Variants in GUF1 observed in about 807,000 individuals in gnomAD.
The protein encoded by GUF1 is translation factor GUF1, mitochondrial.
In GUF1, 78 loss-of-function variants were observed where a neutral mutation model predicts 82.4. The ratio of observed to expected loss-of-function variants is 0.95; its 90% CI spans 0.79 to 1.14. The LOEUF is 1.14. Ranked by LOEUF, GUF1 falls within the 50% of genes most tolerant of loss-of-function variation. The pLI is 0.00. For synonymous variants in GUF1, 279 were observed against 282.3 expected (o/e 0.99, Z 0.12); for missense variants, 814 against 798.2 (o/e 1.02, Z -0.24).
At position 44,680,719 on chromosome 4, in the gene GUF1, T is replaced by A. The variant is rs1484112535; in HGVS notation, c.303T>A (p.Asn101Lys). 6.2e-7 allele frequency: 1 copy of A among 1,606,298 alleles called. No individual in the cohort carries two copies. Among genetic ancestry groups the A allele is most frequent in the Non-Finnish European group, 8.5e-7 (1 of 1,174,856 alleles). ...LTGTIDKTKNNKQVLDKLQVE... is the reference protein window; with the variant it reads ...LTGTIDKTKNKKQVLDKLQVE... ...GGACAATTGATAAAACAAAGAATAA[T>A]AAGCAGGTTCTTGATAAATTGCAAG... is the stretch of plus-strand genomic sequence containing the variant. Residue 101 changes from asparagine (N) to lysine (K), a missense_variant, in exon 3 of 17, where the codon AAT becomes AAA. Coordinates refer to ENST00000281543, the MANE Select transcript of GUF1 (RefSeq NM_021927.3).
chr4:44,690,991 GTCTATA>G (rs1462013258), intron 12 of GUF1, 131 bp downstream of exon 12: 6 of 510,352 alleles, frequency 1.2e-5, no homozygotes, highest in African/African-American at 6.0e-5. Flanking sequence ...ATATATATCT[GTCTATA>G]TCTATACACA....
At chr4:44,692,479 G>A (rs1715511786) in intron 13 of GUF1, among the ~76,000 whole-genome samples, 1 of 151,740 alleles carries the variant, frequency 6.6e-6, no homozygotes, top group Non-Finnish European at 1.5e-5. Context: ...TTATGTTACG[G>A]GATAGTATAT....
At position 44,686,508 on chromosome 4, in the gene GUF1, A is replaced by T; in HGVS notation, c.735-2A>T. 6.3e-7 allele frequency: 1 copy of T among 1,582,524 alleles called. No individual in the cohort carries two copies. Among genetic ancestry groups the T allele is most frequent in the Non-Finnish European group, 8.6e-7 (1 of 1,156,180 alleles). The stretch of plus-strand genomic sequence containing the variant: ...TATTTACTTTTTACTTATATTTACT[A>T]GTCCTAAAGTGCATCGCAAAAATCC... On this transcript the variant is annotated splice_acceptor_variant, in intron 7 of 16. Coordinates refer to ENST00000281543, the MANE Select transcript of GUF1 (RefSeq NM_021927.3). LOFTEE classifies it high-confidence loss of function.
chr4:44,690,772 C>A lies in GUF1; in HGVS notation c.1391C>A (p.Ser464Ter). ...AATCCTGCACAATTCCCCGATAAAT[C>A]AAAAGTAACAGAATATTTGGAGCCA... ...IINPAQFPDK[S>*]KVTEYLEPVV... The change falls in exon 12 of 17, where the codon TCA (serine) becomes TAA (stop). Residue 464 changes from serine to a stop codon, truncating the protein, a stop_gained. Coordinates refer to ENST00000281543, the MANE Select transcript of GUF1 (RefSeq NM_021927.3). LOFTEE classifies it high-confidence loss of function. 6.3e-7 allele frequency: 1 copy of A among 1,597,160 alleles called. No individual in the cohort carries two copies. Among genetic ancestry groups the A allele is most frequent in the Non-Finnish European group, 8.6e-7 (1 of 1,166,598 alleles).
At chr4:44,692,425 G>T (rs1041537283) in intron 13 of GUF1, among the ~76,000 whole-genome samples, 4 of 151,840 alleles carry the variant, frequency 2.6e-5, no homozygotes, top group Non-Finnish European at 5.9e-5. Context: ...TGTTGTTGTT[G>T]TTGGGGCATA....
rs1485440834 is a variant in GUF1 at position 44,695,606 on chromosome 4, C to T, written c.1716-9C>T. Reference sequence around the variant, plus strand: ...AGGATATATAAACAGTTGTATTTTTCTGTCTCAGAGACAAAGCTCATTCAA... The same window carrying T: ...AGGATATATAAACAGTTGTATTTTTTTGTCTCAGAGACAAAGCTCATTCAA... On this transcript the variant is annotated splice_polypyrimidine_tract_variant and intron_variant, in intron 14 of 16. Coordinates refer to ENST00000281543, the MANE Select transcript of GUF1 (RefSeq NM_021927.3). 8 of 1,598,832 alleles carry T rather than the reference C, an allele frequency of 5.0e-6. No individual in the cohort carries two copies. Among genetic ancestry groups the T allele is most frequent in the Admixed American group, 1.8e-5 (1 of 56,378 alleles).
At chr4:44,683,208 T>TGAA (rs11411836) in intron 5 of GUF1, 27 bp from the exon 6 acceptor site, 1 of 1,384,370 alleles carries the variant, frequency 7.2e-7, no homozygotes, top group Admixed American at 2.1e-5. Context: ...TTATTATACT[T>TGAA]CACATAATGG....
chr4:44,692,654 A>C (rs567350229), intron 13 of GUF1, among the ~76,000 whole-genome samples: 1 of 151,924 alleles, frequency 6.6e-6, no homozygotes, highest in Non-Finnish European at 1.5e-5. Context: ...TTATTTAATC[A>C]TCTTGTCAGT....
At position 44,691,823 on chromosome 4, in the gene GUF1, G is replaced by A. The variant is rs773846713; in HGVS notation, c.1613+24G>A. The A allele has an allele frequency of 6.5e-6, 10 of 1,543,190 alleles. No individual in the cohort carries two copies. In the Admixed American group the frequency reaches 2.0e-4, roughly 31 times the overall value. On this transcript the variant is annotated intron_variant, in intron 13 of 16. Transcript: ENST00000281543. The stretch of plus-strand genomic sequence containing the variant: ...AGGTAAAAAAATAATGAGAACCTAA[G>A]ATGCCTGACCAACTTTTTTGAAATA...
At chr4:44,696,144 C>T (rs1382078302) in intron 15 of GUF1, among the ~76,000 whole-genome samples, 1 of 152,032 alleles carries the variant, frequency 6.6e-6, no homozygotes, top group East Asian at 1.9e-4. Flanking sequence ...TTTAATATTG[C>T]TTCCCCACTT....
chr4:44,693,758 C>G (rs1715598987), intron 13 of GUF1, among the ~76,000 whole-genome samples: 1 of 152,082 alleles, frequency 6.6e-6, no homozygotes, highest in Non-Finnish European at 1.5e-5. Context: ...TCTGTTTTGA[C>G]TAACATTACA....
At chr4:44,685,866 T>G in intron 6 of GUF1, 93 bp from the exon 7 acceptor site, 2 of 770,592 alleles carry the variant, frequency 2.6e-6, no homozygotes, top group Admixed American at 2.4e-5. Context: ...ATTGGAATTT[T>G]TTTTTCCTTC....
intron 11 of GUF1, among the ~76,000 whole-genome samples, 171 bp downstream of exon 11, chr4:44,690,146 CTAA>C (rs1367543917): frequency 9.5e-6 from 1 of 105,192 alleles, no homozygotes; most frequent in Non-Finnish European, 2.5e-5. Context: ...TACCCTATGG[CTAA>C]TGATGAAGAA....
chr4:44,687,276 C>T (rs1231815020), intron 8 of GUF1, among the ~76,000 whole-genome samples: 4 of 151,848 alleles, frequency 2.6e-5, no homozygotes, highest in African/African-American at 9.7e-5. Context: ...TTTGTAAGGT[C>T]CTGTTCCTTG....
Position 44,681,004 on chromosome 4 carries a change from C to T in GUF1, c.427-119C>T. On this transcript the variant is annotated intron_variant, in intron 3 of 16. Coordinates refer to ENST00000281543, the MANE Select transcript of GUF1 (RefSeq NM_021927.3). ...GTGTCAGTTGTTTCAAAAGTGCAGGCTACAAAAAAGAAACGAATATTTAAC... is the reference window on the plus strand; with the variant it reads ...GTGTCAGTTGTTTCAAAAGTGCAGGTTACAAAAAAGAAACGAATATTTAAC... The T allele has an allele frequency of 6.2e-6, 7 of 1,136,248 alleles. No homozygotes were observed. The East Asian group carries it at 1.7e-4, about 27-fold the overall frequency. 70.4% of individuals were successfully genotyped at this position (1,136,248 alleles called of 1,614,324 possible). A position where few individuals can be genotyped will look rare whatever the true frequency, so the allele number is the denominator to read the frequency against.
chr4:44,693,524 C>T (rs2109661942), intron 13 of GUF1, among the ~76,000 whole-genome samples: 1 of 152,112 alleles, frequency 6.6e-6, no homozygotes, highest in Non-Finnish European at 1.5e-5. Flanking sequence ...AGGATTTTAA[C>T]AGTACTTCTG....
chr4:44,691,081 T>G (rs1473079568), intron 12 of GUF1, among the ~76,000 whole-genome samples: 1 of 151,674 alleles, frequency 6.6e-6, no homozygotes, highest in East Asian at 1.9e-4. Context: ...ATTTACTGAT[T>G]TGATATGTTA....
intron 14 of GUF1, among the ~76,000 whole-genome samples, chr4:44,695,291 C>CA (rs1411536212): frequency 6.6e-6 from 1 of 151,664 alleles, no homozygotes; most frequent in African/African-American, 2.4e-5. Flanking sequence ...ACTGATCATA[C>CA]AAAAAAATGC....
intron 1 of GUF1, among the ~76,000 whole-genome samples, chr4:44,679,668 G>A (rs888678345): frequency 5.3e-5 from 8 of 151,840 alleles, no homozygotes; most frequent in African/African-American, 1.7e-4. Context: ...TTTATTATCT[G>A]TCTTTATGGG....
Sources: allele counts gnomAD v4.1 joint callset (sites outside exome capture counted in the v4.1 genomes callset), GRCh38; gene constraint gnomAD v4.1.1; transcripts MANE v1.5; gene names NCBI Gene and HGNC (gene_info 2026-07-23, HGNC 2026-07-21).